SPOCK1: variants seen among roughly 807,000 people sequenced by gnomAD.
The protein encoded by SPOCK1 is testican-1.
Under a neutral mutation model 55.3 loss-of-function variants are expected in SPOCK1, and 23 were observed. That is an observed-to-expected ratio of 0.42 (90% CI 0.30 to 0.59). SPOCK1 has a LOEUF of 0.59. Among genes scored for constraint, SPOCK1 ranks in the 20% least tolerant of loss-of-function variants. The pLI, the probability that SPOCK1 is intolerant of heterozygous loss-of-function variation, is 0.22. For synonymous variants in SPOCK1, 226 were observed against 221.0 expected, an observed-to-expected ratio of 1.02 and a Z score of -0.20; for missense variants, 499 against 552.5, an observed-to-expected ratio of 0.90 and a Z score of 0.97.
intron 3 of SPOCK1, among the ~76,000 whole-genome samples, chr5:137,164,778 C>A (rs764265154): frequency 6.6e-6 from 1 of 152,142 alleles, no homozygotes; most frequent in Non-Finnish European, 1.5e-5. Flanking sequence ...GGTAGCCTGG[C>A]AGTACTCCCT....
intron 6 of SPOCK1, among the ~76,000 whole-genome samples, chr5:137,006,285 T>A (rs946554393): frequency 6.6e-6 from 1 of 152,206 alleles, no homozygotes; most frequent in Non-Finnish European, 1.5e-5. Flanking sequence ...AATCTATAAA[T>A]TACTTTGGGC....
chr5:137,210,547 G>A (rs924864452), intron 3 of SPOCK1, among the ~76,000 whole-genome samples: 3 of 152,146 alleles, frequency 2.0e-5, no homozygotes, highest in African/African-American at 4.8e-5. Context: ...AACTCAAGAA[G>A]GTTCAGGAGA....
intron 3 of SPOCK1, among the ~76,000 whole-genome samples, chr5:137,261,663 T>A (rs1756744849): frequency 6.6e-6 from 1 of 152,230 alleles, no homozygotes; most frequent in Non-Finnish European, 1.5e-5. Context: ...CTACAGCCAG[T>A]CTGCTCTGGA....
chr5:137,400,460 C>T (rs1751951088), intron 2 of SPOCK1, among the ~76,000 whole-genome samples: 1 of 152,200 alleles, frequency 6.6e-6, no homozygotes, highest in African/African-American at 2.4e-5. Context: ...AGAGTCTCTA[C>T]CCACATGTAC....
At chr5:136,980,170 C>CTGTT (rs920013978) in intron 9 of SPOCK1, among the ~76,000 whole-genome samples, 2 of 120,168 alleles carry the variant, frequency 1.7e-5, no homozygotes, top group African/African-American at 5.8e-5. Context: ...TACTATCTCC[C>CTGTT]TGTTTGCAGG....
chr5:137,484,608 A>C (rs1289588839), intron 2 of SPOCK1, among the ~76,000 whole-genome samples: 1 of 152,266 alleles, frequency 6.6e-6, no homozygotes, highest in Non-Finnish European at 1.5e-5. Flanking sequence ...TTCCAAGGGT[A>C]GAATCAGTAC....
intron 2 of SPOCK1, among the ~76,000 whole-genome samples, chr5:137,371,158 T>G (rs565681100): frequency 6.6e-6 from 1 of 152,340 alleles, no homozygotes; most frequent in East Asian, 1.9e-4. Flanking sequence ...AGAGACTCAC[T>G]TTTTGAGTTC....
At chr5:137,237,588 C>T (rs745682850) in intron 3 of SPOCK1, among the ~76,000 whole-genome samples, 11 of 152,218 alleles carry the variant, frequency 7.2e-5, no homozygotes, top group Non-Finnish European at 1.6e-4. Context: ...GTAAACAAGA[C>T]ATGTGGTGTT....
chr5:137,281,938 G>A (rs1157887356), intron 2 of SPOCK1, among the ~76,000 whole-genome samples: 1 of 152,222 alleles, frequency 6.6e-6, no homozygotes, highest in Non-Finnish European at 1.5e-5. Flanking sequence ...TATATGAACA[G>A]CTATGGCAGT....
intron 10 of SPOCK1, 26 bp from the exon 11 acceptor site, chr5:136,978,870 G>T: frequency 3.8e-6 from 6 of 1,588,852 alleles, no homozygotes; most frequent in Non-Finnish European, 5.1e-6. Context: ...AAGCATTGAG[G>T]TTAGTTTCCA....
intron 6 of SPOCK1, among the ~76,000 whole-genome samples, chr5:137,058,635 C>T (rs935762669): frequency 2.6e-5 from 4 of 151,844 alleles, no homozygotes; most frequent in African/African-American, 4.8e-5. Context: ...GGTAAGCAAA[C>T]GAATATATTA....
At chr5:137,055,619 G>C (rs1020051019) in intron 6 of SPOCK1, among the ~76,000 whole-genome samples, 16 of 152,194 alleles carry the variant, frequency 1.1e-4, no homozygotes, top group African/African-American at 3.4e-4. Flanking sequence ...GTAATCTCCA[G>C]ATACTCCCTC....
rs1038121185 is a variant in SPOCK1 at position 137,478,174 on chromosome 5, T to C, written c.186+20199A>G. On this transcript the variant is annotated intron_variant, in intron 2 of 10. Transcript: ENST00000394945. Reference sequence around the variant, plus strand: ...TCCAGTACATGTGTAGGTGTACACATGCATGGGAGGATGGATAAACACGAG... The same window carrying C: ...TCCAGTACATGTGTAGGTGTACACACGCATGGGAGGATGGATAAACACGAG... Among the ~76,000 whole-genome samples, 8 of 152,166 alleles carry C rather than the reference T, an allele frequency of 5.3e-5. 1 individual carries two copies. The highest frequency in any genetic ancestry group is 1.9e-4 in the African/African-American group (8 of 41,430).
intron 1 of SPOCK1, among the ~76,000 whole-genome samples, chr5:137,498,862 C>T (rs1039287001): frequency 6.6e-6 from 1 of 152,114 alleles, no homozygotes; most frequent in Non-Finnish European, 1.5e-5. Flanking sequence ...GGCTTGGTAC[C>T]CCTCCCCAGA....
intron 4 of SPOCK1, among the ~76,000 whole-genome samples, chr5:137,131,896 C>T (rs1479398145): frequency 1.5e-4 from 19 of 123,228 alleles, no homozygotes; most frequent in African/African-American, 5.1e-4. Context: ...GGCGTGAACC[C>T]GGGAGGCGGA....
At chr5:137,192,388 G>A (rs1033440182) in intron 3 of SPOCK1, among the ~76,000 whole-genome samples, 1 of 152,124 alleles carries the variant, frequency 6.6e-6, no homozygotes, top group African/African-American at 2.4e-5. Context: ...CCCAAGACCT[G>A]AAGTTCAACA....
intron 5 of SPOCK1, among the ~76,000 whole-genome samples, chr5:137,097,664 C>T (rs956719573): frequency 6.6e-6 from 1 of 152,212 alleles, no homozygotes; most frequent in East Asian, 1.9e-4. Flanking sequence ...CCTATTGGAG[C>T]CTCACAGTCT....
At chr5:137,353,538 C>T (rs992473282) in intron 2 of SPOCK1, among the ~76,000 whole-genome samples, 2 of 152,180 alleles carry the variant, frequency 1.3e-5, no homozygotes, top group Non-Finnish European at 2.9e-5. Flanking sequence ...TATCTTTACA[C>T]ATCAGAAACA....
At chr5:137,247,504 C>T (rs1172258902) in intron 3 of SPOCK1, among the ~76,000 whole-genome samples, 1 of 152,154 alleles carries the variant, frequency 6.6e-6, no homozygotes, top group Admixed American at 6.5e-5. Context: ...CATAATCAAC[C>T]ATAGTGCAGA....
Sources: gnomAD v4.1 joint callset for allele counts (sites outside exome capture counted in the v4.1 genomes callset) on GRCh38, gnomAD v4.1.1 for gene constraint, MANE v1.5 for transcripts, NCBI Gene and HGNC (gene_info 2026-07-23, HGNC 2026-07-21) for gene names.